Variants in MGMT observed in about 807,000 individuals in gnomAD.
The protein encoded by MGMT is O-6-methylguanine-DNA methyltransferase, also known as methylated-DNA--protein-cysteine methyltransferase.
In MGMT, 14 loss-of-function variants were observed where a neutral mutation model predicts 15.9. The ratio of observed to expected loss-of-function variants is 0.88; its 90% confidence interval spans 0.58 to 1.37. The LOEUF is 1.37. Ranked by LOEUF, MGMT falls within the 40% of genes most tolerant of loss-of-function variation. The probability of loss-of-function intolerance (pLI) is 0.00; values close to 1 mark genes in which losing one functional copy is unlikely to be tolerated. For missense variants in MGMT, 282 were observed against 268.1 expected (o/e 1.05, Z -0.36); for synonymous variants, 130 against 118.2 (o/e 1.10, Z -0.65).
At chr10:129,650,987 G>A (rs1035229413) in intron 2 of MGMT, among the ~76,000 whole-genome samples, 1 of 152,214 alleles carries the variant, frequency 6.6e-6, no homozygotes, top group African/African-American at 2.4e-5. Context: ...TCCACTTGGG[G>A]ACAGAGTGTG....
intron 2 of MGMT, among the ~76,000 whole-genome samples, chr10:129,583,926 A>G (rs1181739326): frequency 6.6e-6 from 1 of 152,126 alleles, no homozygotes; most frequent in Non-Finnish European, 1.5e-5. Flanking sequence ...TGTGGGACAC[A>G]AGAAAGTGAG....
intron 1 of MGMT, among the ~76,000 whole-genome samples, chr10:129,499,065 G>T (rs1410667266): frequency 6.6e-6 from 1 of 152,074 alleles, no homozygotes; most frequent in African/African-American, 2.4e-5. Context: ...GAGAAACCTG[G>T]CCCTCTTTAT....
chr10:129,700,830 C>CA (rs1848089886), intron 2 of MGMT: 1 of 152,162 alleles, frequency 6.6e-6, no homozygotes, highest in Non-Finnish European at 1.5e-5. Context: ...CCATCAAACA[C>CA]AAGACACTCT....
chr10:129,726,297 G>A (rs897928922), intron 3 of MGMT, among the ~76,000 whole-genome samples: 1 of 152,076 alleles, frequency 6.6e-6, no homozygotes, highest in Admixed American at 6.5e-5. Context: ...AAATTTACTG[G>A]GAAGATCTCT....
chr10:129,646,752 A>G (rs369472768), intron 2 of MGMT, among the ~76,000 whole-genome samples: 1 of 81,890 alleles, frequency 1.2e-5, no homozygotes, highest in African/African-American at 4.3e-5. Flanking sequence ...ATATATATAT[A>G]TATTTTCAGG....
chr10:129,655,415 G>T (rs973291908), intron 2 of MGMT, among the ~76,000 whole-genome samples: 1 of 152,176 alleles, frequency 6.6e-6, no homozygotes, highest in Non-Finnish European at 1.5e-5. Flanking sequence ...ACCCATTAAG[G>T]TCTGATTTTC....
chr10:129,714,850 A>AC (rs1848275929), intron 3 of MGMT, among the ~76,000 whole-genome samples: 2 of 152,200 alleles, frequency 1.3e-5, no homozygotes, highest in South Asian at 4.1e-4. Flanking sequence ...AGTGGCTGGA[A>AC]CAGAACCACA....
At chr10:129,681,638 G>A (rs531467463) in intron 2 of MGMT, among the ~76,000 whole-genome samples, 2 of 152,332 alleles carry the variant, frequency 1.3e-5, no homozygotes, top group East Asian at 3.9e-4. Flanking sequence ...CTTACATGTG[G>A]ATTTTTTTCA....
At chr10:129,519,089 T>C (rs535230091) in intron 1 of MGMT, among the ~76,000 whole-genome samples, 2 of 152,298 alleles carry the variant, frequency 1.3e-5, no homozygotes, top group Non-Finnish European at 2.9e-5. Context: ...AGCCCTGGAC[T>C]ACTATAAATT....
chr10:129,570,624 C>A (rs981526379), intron 2 of MGMT, among the ~76,000 whole-genome samples: 1 of 152,316 alleles, frequency 6.6e-6, no homozygotes, highest in Admixed American at 6.5e-5. Context: ...TCATATCTGG[C>A]AGATATTACC....
chr10:129,551,892 A>G (rs77858258), intron 2 of MGMT, among the ~76,000 whole-genome samples: 5,000 of 152,264 alleles, frequency 0.033, 131 homozygotes, highest in South Asian at 0.064. Context: ...CCCAGGCCAC[A>G]GAAACCACGC....
chr10:129,605,732 T>A (rs986969551), intron 2 of MGMT, among the ~76,000 whole-genome samples: 4 of 152,328 alleles, frequency 2.6e-5, no homozygotes, highest in African/African-American at 9.6e-5. Context: ...TTACGATAAT[T>A]CTCAAACACG....
intron 1 of MGMT, among the ~76,000 whole-genome samples, chr10:129,497,597 G>A (rs903845779): frequency 1.3e-5 from 2 of 152,184 alleles, no homozygotes; most frequent in Non-Finnish European, 2.9e-5. Flanking sequence ...CACAACCAGG[G>A]CGCTAACACG....
At position 129,496,788 on chromosome 10, in the gene MGMT, C is replaced by G. The variant is rs527938651; in HGVS notation, c.-13+29492C>G. ...ATTCATTCATCATCTATACCTTTTCCCCTTTTAATTACTACACTTTAAAAG... is the reference window on the plus strand; with the variant it reads ...ATTCATTCATCATCTATACCTTTTCGCCTTTTAATTACTACACTTTAAAAG... On this transcript the variant is annotated intron_variant, in intron 1 of 4. Transcript: ENST00000651593. Among the ~76,000 whole-genome samples the G allele has an allele frequency of 1.3e-4, 20 of 152,170 alleles. 1 individual carries two copies. In the South Asian group the frequency reaches 2.9e-3, roughly 22 times the overall value.
At chr10:129,549,855 T>G (rs181467174) in intron 2 of MGMT, among the ~76,000 whole-genome samples, 121 of 152,322 alleles carry the variant, frequency 7.9e-4, no homozygotes, top group African/African-American at 2.8e-3. Flanking sequence ...AAAATATGTA[T>G]TATATTTTCT....
intron 3 of MGMT, among the ~76,000 whole-genome samples, chr10:129,740,724 C>T (rs560800287): frequency 2.0e-5 from 3 of 152,084 alleles, no homozygotes; most frequent in Admixed American, 2.0e-4. Context: ...AGCGCTGGCC[C>T]CACCTGCAGG....
At chr10:129,715,005 G>A (rs1848277366) in intron 3 of MGMT, among the ~76,000 whole-genome samples, 2 of 152,174 alleles carry the variant, frequency 1.3e-5, no homozygotes, top group East Asian at 1.9e-4. Context: ...AGTTCCCTGA[G>A]GTTCCGTGAG....
chr10:129,747,288 C>CT (rs1230200213), intron 3 of MGMT, among the ~76,000 whole-genome samples: 5 of 151,924 alleles, frequency 3.3e-5, no homozygotes, highest in African/African-American at 1.2e-4. Flanking sequence ...CCTCATCTTG[C>CT]TTTTTTTGCA....
intron 2 of MGMT, among the ~76,000 whole-genome samples, chr10:129,643,640 C>T (rs1417620043): frequency 6.6e-6 from 1 of 152,190 alleles, no homozygotes; most frequent in Non-Finnish European, 1.5e-5. Context: ...AAAAGGGCAC[C>T]AGTGCACTGA....
Sources: allele counts gnomAD v4.1 joint callset (sites outside exome capture counted in the v4.1 genomes callset), GRCh38; gene constraint gnomAD v4.1.1; transcripts MANE v1.5; gene names NCBI Gene and HGNC (gene_info 2026-07-23, HGNC 2026-07-21).